MCTP1: variants seen among roughly 807,000 people sequenced by gnomAD.
The protein encoded by MCTP1 is multiple C2 and transmembrane domain containing 1, also known as multiple C2 and transmembrane domain-containing protein 1.
MCTP1 carries 69 observed loss-of-function variants against 120.6 expected under a neutral mutation model. The ratio of observed to expected loss-of-function variants is 0.57; its 90% CI spans 0.47 to 0.70. The LOEUF (loss-of-function observed/expected upper bound fraction) is 0.70. Among genes scored for constraint, MCTP1 ranks in the 30% least tolerant of loss-of-function variants. MCTP1 has a pLI of 0.00. For synonymous variants in MCTP1, 529 were observed against 493.1 expected (o/e 1.07, Z -0.96); for missense variants, 1,203 against 1,248.8 (o/e 0.96, Z 0.55).
At chr5:94,713,888 T>C (rs1480015318) in intron 20 of MCTP1, among the ~76,000 whole-genome samples, 1 of 152,150 alleles carries the variant, frequency 6.6e-6, no homozygotes, top group Non-Finnish European at 1.5e-5. Flanking sequence ...GCCCAAGGAT[T>C]CAAATCTGTA....
At chr5:94,823,454 G>A (rs1786158378) in intron 17 of MCTP1, among the ~76,000 whole-genome samples, 1 of 152,186 alleles carries the variant, frequency 6.6e-6, no homozygotes, top group Non-Finnish European at 1.5e-5. Flanking sequence ...TAGCCTTGTA[G>A]TATAGTTTGA....
At chr5:95,179,323 C>A (rs1398068609) in intron 1 of MCTP1, among the ~76,000 whole-genome samples, 1 of 152,118 alleles carries the variant, frequency 6.6e-6, no homozygotes, top group East Asian at 1.9e-4. Context: ...ATACGAGTAG[C>A]TCAAAGAACA....
chr5:95,222,182 A>G (rs1044321302), intron 1 of MCTP1, among the ~76,000 whole-genome samples: 3 of 152,154 alleles, frequency 2.0e-5, no homozygotes, highest in African/African-American at 4.8e-5. Context: ...CTCAGCACGC[A>G]GCTTCCACCT....
intron 1 of MCTP1, among the ~76,000 whole-genome samples, chr5:95,202,394 C>T (rs1036420387): frequency 1.3e-5 from 2 of 152,162 alleles, no homozygotes; most frequent in Non-Finnish European, 2.9e-5. Flanking sequence ...ACTACTGGCT[C>T]CCTGGTTCTC....
intron 1 of MCTP1, among the ~76,000 whole-genome samples, chr5:95,185,599 A>G (rs1176963731): frequency 2.0e-5 from 3 of 152,214 alleles, no homozygotes. Flanking sequence ...CCTGACCAAC[A>G]TGGTGAAACC....
chr5:94,769,492 T>TA (rs145345857), intron 19 of MCTP1, among the ~76,000 whole-genome samples: 5,658 of 152,158 alleles, frequency 0.037, 122 homozygotes, highest in Middle Eastern at 0.058. Context: ...TATATATCAA[T>TA]AAAAAATTGA....
At chr5:95,024,616 T>C (rs1488517205) in intron 1 of MCTP1, among the ~76,000 whole-genome samples, 4 of 147,398 alleles carry the variant, frequency 2.7e-5, no homozygotes, top group African/African-American at 1.0e-4. Context: ...CCAAGGCAAT[T>C]AGGCAAGAGA....
At chr5:95,229,056 A>C (rs908896365) in intron 1 of MCTP1, among the ~76,000 whole-genome samples, 1 of 152,202 alleles carries the variant, frequency 6.6e-6, no homozygotes, top group Non-Finnish European at 1.5e-5. Context: ...ATAGATGAGC[A>C]CTTGATATGC....
At chr5:95,023,495 C>T (rs185925565) in intron 1 of MCTP1, among the ~76,000 whole-genome samples, 103 of 152,302 alleles carry the variant, frequency 6.8e-4, no homozygotes, top group African/African-American at 2.4e-3. Flanking sequence ...GAGCTGCGCT[C>T]CTGGGAGGAT....
chr5:95,040,477 A>AT (rs1362548358), intron 1 of MCTP1, among the ~76,000 whole-genome samples: 1 of 151,664 alleles, frequency 6.6e-6, no homozygotes, highest in Non-Finnish European at 1.5e-5. Context: ...TTTAAAGAAG[A>AT]TTTTTTGGGC....
intron 17 of MCTP1, among the ~76,000 whole-genome samples, chr5:94,813,160 T>A (rs758203317): frequency 1.3e-5 from 2 of 152,116 alleles, no homozygotes; most frequent in Non-Finnish European, 2.9e-5. Context: ...GGGAAAAAGA[T>A]TTAAGTAGAC....
intron 1 of MCTP1, among the ~76,000 whole-genome samples, chr5:95,171,374 T>C (rs1747264621): frequency 1.3e-5 from 2 of 152,206 alleles, no homozygotes; most frequent in African/African-American, 4.8e-5. Flanking sequence ...TTGGTGAATC[T>C]GACAATTATG....
rs769604300 is a variant in MCTP1 at position 94,868,319 on chromosome 5, C to T, written c.2436+14G>A. On this transcript the variant is annotated intron_variant, in intron 17 of 22. Transcript: ENST00000515393. ...TTAATGAATAACAATGTAAGTAATA[C>T]AGTATGATCATACCACAAAAGCAGC... The T allele has an allele frequency of 5.1e-6, 8 of 1,582,188 alleles. No individual in the cohort carries two copies. Among genetic ancestry groups the T allele is most frequent in the Non-Finnish European group, 6.9e-6 (8 of 1,167,212 alleles).
At chr5:94,764,241 T>C (rs1722532565) in intron 19 of MCTP1, among the ~76,000 whole-genome samples, 1 of 152,220 alleles carries the variant, frequency 6.6e-6, no homozygotes, top group African/African-American at 2.4e-5. Flanking sequence ...ATATCCATAA[T>C]GCAGTCTGCC....
chr5:95,096,655 T>C (rs1254096711), intron 1 of MCTP1, among the ~76,000 whole-genome samples: 1 of 152,180 alleles, frequency 6.6e-6, no homozygotes, highest in African/African-American at 2.4e-5. Context: ...TGCAGTATTC[T>C]TAGAGCACAA....
At chr5:95,200,520 A>C (rs1434412141) in intron 1 of MCTP1, among the ~76,000 whole-genome samples, 1 of 152,246 alleles carries the variant, frequency 6.6e-6, no homozygotes, top group Non-Finnish European at 1.5e-5. Flanking sequence ...TCAGCTTTAA[A>C]AATGAAGGAC....
chr5:94,920,387 C>T (rs1200480391), intron 7 of MCTP1, among the ~76,000 whole-genome samples: 1 of 150,998 alleles, frequency 6.6e-6, no homozygotes, highest in Non-Finnish European at 1.5e-5. Context: ...GTGGATGTTA[C>T]CTATGGTTGA....
intron 19 of MCTP1, among the ~76,000 whole-genome samples, chr5:94,768,202 T>G (rs748662711): frequency 1.3e-5 from 2 of 152,156 alleles, no homozygotes; most frequent in South Asian, 4.1e-4. Context: ...GATATCCATA[T>G]GCAGAAGAAT....
intron 2 of MCTP1, among the ~76,000 whole-genome samples, chr5:95,015,414 A>G (rs1458411238): frequency 1.3e-5 from 2 of 152,110 alleles, no homozygotes; most frequent in Non-Finnish European, 2.9e-5. Context: ...ACTTTAAATT[A>G]ATTAAGAAAA....
Sources: gnomAD v4.1 joint callset for allele counts (sites outside exome capture counted in the v4.1 genomes callset) on GRCh38, gnomAD v4.1.1 for gene constraint, MANE v1.5 for transcripts, NCBI Gene and HGNC (gene_info 2026-07-23, HGNC 2026-07-21) for gene names.